CAMTA1: variants seen among roughly 807,000 people sequenced by gnomAD.
CAMTA1 encodes the protein calmodulin-binding transcription activator 1.
CAMTA1 carries 27 observed loss-of-function variants against 170.9 expected under a neutral mutation model. The observed-to-expected ratio is 0.16, with a 90% CI of 0.12 to 0.22. The LOEUF is 0.22. Ranked by LOEUF, CAMTA1 falls within the 10% of genes least tolerant of loss-of-function variation. The probability of loss-of-function intolerance (pLI) is 1.00; values close to 1 mark genes in which losing one functional copy is unlikely to be tolerated. For synonymous variants in CAMTA1, 833 were observed against 891.5 expected (o/e 0.93, Z 1.17); for missense variants, 1,619 against 2,217.2 (o/e 0.73, Z 5.42).
intron 9 of CAMTA1, among the ~76,000 whole-genome samples, chr1:7,667,038 C>T (rs1000602394): frequency 2.0e-5 from 3 of 152,000 alleles, no homozygotes; most frequent in African/African-American, 7.3e-5. Flanking sequence ...ACAGACACAC[C>T]CTGCTGCATC....
At chr1:6,927,379 C>G (rs917081968) in intron 3 of CAMTA1, among the ~76,000 whole-genome samples, 1 of 152,208 alleles carries the variant, frequency 6.6e-6, no homozygotes, top group Non-Finnish European at 1.5e-5. Flanking sequence ...AAATAAATAT[C>G]TAACAGTTCC....
At chr1:7,209,695 C>T (rs1658413629) in intron 4 of CAMTA1, among the ~76,000 whole-genome samples, 1 of 152,166 alleles carries the variant, frequency 6.6e-6, no homozygotes, top group Non-Finnish European at 1.5e-5. Context: ...GTTGACACTC[C>T]AGGGAGGGTC....
intron 7 of CAMTA1, among the ~76,000 whole-genome samples, chr1:7,651,828 G>A (rs976086553): frequency 5.3e-5 from 8 of 152,260 alleles, no homozygotes; most frequent in African/African-American, 1.9e-4. Context: ...CCACATGGGG[G>A]CCCCGACCCC....
At chr1:7,666,069 T>C (rs572695665) in intron 9 of CAMTA1, among the ~76,000 whole-genome samples, 223 of 151,576 alleles carry the variant, frequency 1.5e-3, no homozygotes, top group Non-Finnish European at 2.8e-3. Context: ...CTCGGGAGGC[T>C]GAGGCAGGAG....
intron 7 of CAMTA1, among the ~76,000 whole-genome samples, chr1:7,653,506 A>C (rs1226150559): frequency 6.6e-6 from 1 of 151,494 alleles, no homozygotes; most frequent in African/African-American, 2.4e-5. Context: ...CAAGTGATCC[A>C]CCCTCCCCAG....
chr1:7,375,621 A>C (rs1193604502), intron 5 of CAMTA1, among the ~76,000 whole-genome samples: 1 of 152,176 alleles, frequency 6.6e-6, no homozygotes, highest in African/African-American at 2.4e-5. Flanking sequence ...TGGAGCAGCA[A>C]CAGGCCGGGC....
chr1:6,933,105 A>G (rs1024778352), intron 3 of CAMTA1, among the ~76,000 whole-genome samples: 1 of 151,258 alleles, frequency 6.6e-6, no homozygotes, highest in African/African-American at 2.4e-5. Flanking sequence ...GGGTCTTGCT[A>G]TGATGCCCAG....
intron 4 of CAMTA1, among the ~76,000 whole-genome samples, chr1:7,204,678 G>A (rs1657342454): frequency 6.6e-6 from 1 of 151,800 alleles, no homozygotes; most frequent in Admixed American, 6.6e-5. Flanking sequence ...TTGGTTTATA[G>A]TGTAGTTCAG....
chr1:7,498,340 A>G (rs879720313), intron 6 of CAMTA1, among the ~76,000 whole-genome samples: 2 of 147,336 alleles, frequency 1.4e-5, no homozygotes, highest in Non-Finnish European at 3.0e-5. Context: ...GTGGATGTGT[A>G]TGAGTGTGTG....
rs749377585 is a variant in CAMTA1 at position 6,918,313 on chromosome 1, C to T, written c.234+93103C>T. Among the ~76,000 whole-genome samples, 55 of 152,298 alleles carry T rather than the reference C, an allele frequency of 3.6e-4. 1 individual carries two copies. The highest frequency in any genetic ancestry group is 3.4e-3 in the Middle Eastern group (1 of 294). On this transcript the variant is annotated intron_variant, in intron 3 of 22. Coordinates refer to ENST00000303635, the MANE Select transcript of CAMTA1 (RefSeq NM_015215.4). The surrounding 1 kb of genome is among the most constrained non-coding windows in gnomAD (Gnocchi z 4.0). Reference sequence around the variant, plus strand: ...AAAAGAACTTTACATTTATGCTTGACTGAAGCACAGGCCACATTTGTCCTG... The same window carrying T: ...AAAAGAACTTTACATTTATGCTTGATTGAAGCACAGGCCACATTTGTCCTG...
intron 3 of CAMTA1, among the ~76,000 whole-genome samples, chr1:6,914,204 A>G (rs1680305878): frequency 6.7e-6 from 1 of 149,554 alleles, no homozygotes; most frequent in Admixed American, 6.8e-5. Flanking sequence ...TCCCGGGTTC[A>G]AGTGATTCTC....
intron 3 of CAMTA1, among the ~76,000 whole-genome samples, chr1:6,844,690 CAAAAAAAAAAA>C (rs1180942073): frequency 1.9e-5 from 1 of 52,064 alleles, no homozygotes; most frequent in African/African-American, 8.2e-5. Context: ...ACCCTGTGTC[CAAAAAAAAAAA>C]AAAAAAAAAA....
chr1:7,740,989 G>A (rs532423829), intron 16 of CAMTA1, among the ~76,000 whole-genome samples: 5 of 152,260 alleles, frequency 3.3e-5, no homozygotes, highest in South Asian at 4.2e-4. Flanking sequence ...TGGCAAAACC[G>A]TTCATAGAGG....
chr1:6,994,081 A>G (rs1217933397), intron 3 of CAMTA1, among the ~76,000 whole-genome samples: 2 of 152,198 alleles, frequency 1.3e-5, no homozygotes, highest in African/African-American at 4.8e-5. Flanking sequence ...TATGTAAATT[A>G]TAAGAATCTT....
intron 5 of CAMTA1, among the ~76,000 whole-genome samples, chr1:7,399,361 G>A (rs1468521855): frequency 6.6e-6 from 1 of 152,194 alleles, no homozygotes; most frequent in Non-Finnish European, 1.5e-5. Context: ...CTCACCAGAA[G>A]CAGATGGTGA....
rs574295526 is a variant in CAMTA1 at position 7,437,835 on chromosome 1, G to A, written c.439-29995G>A. 9.8e-5 allele frequency among the ~76,000 whole-genome samples: 15 copies of A among 152,308 alleles called. 1 individual carries two copies. Among genetic ancestry groups the A allele is most frequent in the South Asian group, 4.1e-4 (2 of 4,830 alleles). On this transcript the variant is annotated intron_variant, in intron 5 of 22. Transcript: ENST00000303635. ...CAGCGAGTACGACCGGCTCCTACAC[G>A]GTCGGGCGGTGTGTCCAGCACATGG...
At chr1:7,646,110 C>A (rs1225556818) in intron 7 of CAMTA1, among the ~76,000 whole-genome samples, 1 of 149,124 alleles carries the variant, frequency 6.7e-6, no homozygotes, top group Non-Finnish European at 1.5e-5. Flanking sequence ...GGTGGAGGCC[C>A]TGGTAAGTGT....
At chr1:6,834,693 A>G (rs1477106547) in intron 3 of CAMTA1, 1 of 154,820 alleles carries the variant, frequency 6.5e-6, no homozygotes, top group Non-Finnish European at 1.4e-5. Flanking sequence ...GCTGGAGTGT[A>G]GTGGCGCAAT....
At chr1:7,705,382 C>T (rs1426277063) in intron 11 of CAMTA1, among the ~76,000 whole-genome samples, 1 of 146,354 alleles carries the variant, frequency 6.8e-6, no homozygotes, top group Non-Finnish European at 1.5e-5. Context: ...CGTGTTTGTG[C>T]GAGGGGCGTG....
Sources: gnomAD v4.1 joint callset for allele counts (sites outside exome capture counted in the v4.1 genomes callset) on GRCh38, gnomAD v4.1.1 for gene constraint, Gnocchi (gnomAD v3.1) non-coding constraint, MANE v1.5 for transcripts, NCBI Gene and HGNC (gene_info 2026-07-23, HGNC 2026-07-21) for gene names.